MRAP2: variants seen among roughly 807,000 people sequenced by gnomAD.
The protein encoded by MRAP2 is melanocortin-2 receptor accessory protein 2.
Under a neutral mutation model 17.4 loss-of-function variants are expected in MRAP2, and 20 were observed. The ratio of observed to expected loss-of-function variants is 1.15; its 90% confidence interval spans 0.81 to 1.67. The LOEUF (loss-of-function observed/expected upper bound fraction) is 1.67. Ranked by LOEUF, MRAP2 falls within the 40% of genes most tolerant of loss-of-function variation. MRAP2 has a pLI of 0.00. For synonymous variants in MRAP2, 96 were observed against 88.4 expected (o/e 1.09, Z -0.48); for missense variants, 238 against 240.0 (o/e 0.99, Z 0.05).
the MRAP2 span, among the ~76,000 whole-genome samples, chr6:84,095,892 T>C: frequency 6.6e-6 from 1 of 152,214 alleles, no homozygotes; most frequent in Non-Finnish European, 1.5e-5. Flanking sequence ...GAATAAATTT[T>C]GCAGAAAACT....
chr6:84,126,481 G>C, the MRAP2 span: 4 of 1,560,478 alleles, frequency 2.6e-6, no homozygotes, highest in Non-Finnish European at 3.5e-6. Context: ...GTTTTCTTTG[G>C]CTTCTCTCAA....
chr6:84,128,520 G>A, the MRAP2 span, among the ~76,000 whole-genome samples: 1 of 152,032 alleles, frequency 6.6e-6, no homozygotes, highest in Non-Finnish European at 1.5e-5. Context: ...TTCTAACGGT[G>A]GCACTTCTAT....
chr6:84,126,462 T>C, the MRAP2 span: 10 of 1,580,222 alleles, frequency 6.3e-6, no homozygotes, highest in Admixed American at 1.5e-4. Flanking sequence ...GTTTCATCTC[T>C]GGTGTATGGT....
intron 3 of MRAP2, among the ~76,000 whole-genome samples, chr6:84,071,627 C>G (rs1025006859): frequency 6.6e-6 from 1 of 152,118 alleles, no homozygotes; most frequent in Non-Finnish European, 1.5e-5. Context: ...ATGTCTAGGT[C>G]TCTAGGAAGG....
At chr6:84,079,093 A>C (rs1349327471) in intron 3 of MRAP2, among the ~76,000 whole-genome samples, 1 of 152,200 alleles carries the variant, frequency 6.6e-6, no homozygotes, top group Non-Finnish European at 1.5e-5. Context: ...CATATCCACA[A>C]AGAGACTTTT....
chr6:84,081,974 A>G (rs1037173500), intron 3 of MRAP2, among the ~76,000 whole-genome samples: 1 of 152,224 alleles, frequency 6.6e-6, no homozygotes, highest in Non-Finnish European at 1.5e-5. Context: ...CTATGTGTCA[A>G]TTAAACCTCT....
chr6:84,048,209 C>T (rs185171194), intron 1 of MRAP2, among the ~76,000 whole-genome samples: 560 of 152,264 alleles, frequency 3.7e-3, no homozygotes, highest in Non-Finnish European at 6.2e-3. Flanking sequence ...TCTTCCACAG[C>T]GGCTGTACCT....
intron 1 of MRAP2, among the ~76,000 whole-genome samples, chr6:84,039,017 T>C (rs952475162): frequency 6.6e-6 from 1 of 152,222 alleles, no homozygotes; most frequent in Admixed American, 6.5e-5. Context: ...GTGTTTATTG[T>C]TACATTTACT....
rs116808318 is a variant in MRAP2, at chr6:84,055,354, C to A, written c.36C>A (p.Ser12=). Residue 12 remains serine (S), a synonymous_variant, in exon 2 of 4, where the codon TCC becomes TCA. Coordinates refer to ENST00000257776, the MANE Select transcript of MRAP2 (RefSeq NM_138409.4). ...SAQRLISNRT[S]QQSASNSDYT... ...AGAGGTTAATTTCTAACAGAACCTC[C>A]CAGCAATCGGCATCTAATTCTGATT... 5.5e-5 allele frequency: 88 copies of A among 1,613,670 alleles called. No individual in the cohort carries two copies. In the African/African-American group the frequency reaches 1.0e-3, roughly 18 times the overall value.
intron 3 of MRAP2, among the ~76,000 whole-genome samples, chr6:84,074,497 C>G (rs1158873227): frequency 1.3e-5 from 2 of 152,148 alleles, no homozygotes; most frequent in African/African-American, 4.8e-5. Flanking sequence ...TATTTTTCTC[C>G]CTGGAGACAT....
intron 3 of MRAP2, among the ~76,000 whole-genome samples, chr6:84,073,416 G>A (rs1018376124): frequency 1.3e-5 from 2 of 152,184 alleles, no homozygotes; most frequent in East Asian, 1.9e-4. Flanking sequence ...TGCAGTTGGG[G>A]CACCCACAGT....
intron 3 of MRAP2, among the ~76,000 whole-genome samples, chr6:84,084,917 A>ATTTTATTTTAC (rs58379284): frequency 2.1e-5 from 2 of 96,280 alleles, no homozygotes; most frequent in African/African-American, 1.1e-4. Context: ...TATTTTATTT[A>ATTTTATTTTAC]TTTATTTTAT....
At chr6:84,135,836 C>G in the MRAP2 span, among the ~76,000 whole-genome samples, 8 of 152,178 alleles carry the variant, frequency 5.3e-5, no homozygotes, top group Non-Finnish European at 1.0e-4. Flanking sequence ...GCACTCCAGC[C>G]TGGGCGACAA....
At chr6:84,048,035 G>T (rs2099489488) in intron 1 of MRAP2, among the ~76,000 whole-genome samples, 1 of 152,140 alleles carries the variant, frequency 6.6e-6, no homozygotes, top group Admixed American at 6.5e-5. Context: ...CACTTGGGTT[G>T]TTTTGACCTT....
chr6:84,145,004 T>C, the MRAP2 span, among the ~76,000 whole-genome samples: 1 of 152,148 alleles, frequency 6.6e-6, no homozygotes, highest in South Asian at 2.1e-4. Flanking sequence ...TCAGTTATAC[T>C]ATCAAGGCTT....
At chr6:84,044,448 A>G (rs1377144442) in intron 1 of MRAP2, among the ~76,000 whole-genome samples, 1 of 152,200 alleles carries the variant, frequency 6.6e-6, no homozygotes, top group Non-Finnish European at 1.5e-5. Flanking sequence ...TGGCCTCCCA[A>G]AGGAATTTAT....
chr6:84,055,113 T>C (rs75882308), intron 1 of MRAP2, among the ~76,000 whole-genome samples, 199 bp from the exon 2 acceptor site: 2 of 152,280 alleles, frequency 1.3e-5, no homozygotes, highest in East Asian at 3.9e-4. Flanking sequence ...TATTCCACTC[T>C]AGTGGCAAGA....
chr6:84,129,602 G>A, the MRAP2 span, among the ~76,000 whole-genome samples: 1 of 152,128 alleles, frequency 6.6e-6, no homozygotes, highest in East Asian at 1.9e-4. Flanking sequence ...CAGATGGATA[G>A]ATTGCAAAAA....
chr6:84,093,794 G>T (rs1420015052), downstream of MRAP2, among the ~76,000 whole-genome samples: 1 of 152,172 alleles, frequency 6.6e-6, no homozygotes, highest in African/African-American at 2.4e-5. Context: ...ATGAGGAAGG[G>T]GTAGCTATGA....
Sources: gnomAD v4.1 joint callset for allele counts (sites outside exome capture counted in the v4.1 genomes callset) on GRCh38, gnomAD v4.1.1 for gene constraint, MANE v1.5 for transcripts, NCBI Gene and HGNC (gene_info 2026-07-23, HGNC 2026-07-21) for gene names.